Variants in TPO observed in about 807,000 individuals in gnomAD.
TPO encodes the protein thyroid peroxidase.
In TPO, 78 loss-of-function variants were observed where a neutral mutation model predicts 96.9. The ratio of observed to expected loss-of-function variants is 0.81; its 90% CI spans 0.67 to 0.97. TPO has a LOEUF of 0.97. Among genes scored for constraint, TPO ranks in the 50% least tolerant of loss-of-function variants. The probability of loss-of-function intolerance (pLI) is 0.00; values close to 1 mark genes in which losing one functional copy is unlikely to be tolerated. For missense variants in TPO, 1,252 were observed against 1,274.8 expected (o/e 0.98, Z 0.27); for synonymous variants, 547 against 538.0 (o/e 1.02, Z -0.23).
intron 7 of TPO, among the ~76,000 whole-genome samples, chr2:1,467,284 T>C (rs1668991368): frequency 6.6e-6 from 1 of 152,038 alleles, no homozygotes; most frequent in Non-Finnish European, 1.5e-5. Context: ...TTTGTATTTT[T>C]AGTAGAGATT....
At chr2:1,424,860 TCC>T (rs1468284899) in intron 3 of TPO, among the ~76,000 whole-genome samples, 25,389 of 143,482 alleles carry the variant, frequency 0.18, 1,367 homozygotes, top group Non-Finnish European at 0.2. Flanking sequence ...TCATTTCATA[TCC>T]TCAGAAGTCT....
At chr2:1,470,788 T>A (rs1349672221) in intron 7 of TPO, among the ~76,000 whole-genome samples, 1 of 152,180 alleles carries the variant, frequency 6.6e-6, no homozygotes, top group East Asian at 1.9e-4. Flanking sequence ...TTGAAAATCT[T>A]ATTTGTAATT....
intron 8 of TPO, 83 bp from the exon 9 acceptor site, chr2:1,484,512 GA>G (rs1670939027): frequency 6.3e-7 from 1 of 1,582,744 alleles, no homozygotes; most frequent in Non-Finnish European, 8.7e-7. Flanking sequence ...GGCTGTCAAG[GA>G]AGATGCTCTT....
chr2:1,398,973 C>T lies in TPO; in HGVS notation n.180+24571C>T, dbSNP rs150674895. Reference sequence around the variant, plus strand: ...GGCTGGGCTCTCCCTGCAGCCAGGCCCTCACCTCCTCTGCAAGCCACGCTC... The same window carrying T: ...GGCTGGGCTCTCCCTGCAGCCAGGCTCTCACCTCCTCTGCAAGCCACGCTC... On this transcript the variant is annotated intron_variant and non_coding_transcript_variant, in intron 1 of 5. Coordinates refer to the TPO transcript ENST00000497517. Among the ~76,000 whole-genome samples the T allele has an allele frequency of 5.6e-3, 858 of 152,336 alleles. 10 individuals are homozygous for T. The highest frequency in any genetic ancestry group is 0.016 in the South Asian group (75 of 4,822).
At chr2:1,487,563 T>A (rs968209413) in intron 9 of TPO, among the ~76,000 whole-genome samples, 9 of 152,114 alleles carry the variant, frequency 5.9e-5, no homozygotes, top group Non-Finnish European at 1.0e-4. Flanking sequence ...TGAAACCCCA[T>A]CTCTACTAAA....
intron 14 of TPO, among the ~76,000 whole-genome samples, chr2:1,506,234 T>C (rs1673448567): frequency 1.3e-5 from 2 of 151,930 alleles, no homozygotes; most frequent in South Asian, 4.2e-4. Flanking sequence ...TATGGCTGCA[T>C]AGTATTCTAT....
At chr2:1,436,733 A>G (rs989121203) in intron 5 of TPO, among the ~76,000 whole-genome samples, 6 of 152,060 alleles carry the variant, frequency 3.9e-5, no homozygotes, top group Admixed American at 2.0e-4. Context: ...ATTGTTTCCA[A>G]TGCACCCCCA....
intron 10 of TPO, among the ~76,000 whole-genome samples, chr2:1,489,134 T>A (rs1671457282): frequency 7.1e-6 from 1 of 140,440 alleles, no homozygotes; most frequent in African/African-American, 2.7e-5. Context: ...TGCCCACACA[T>A]GACCAGCACA....
chr2:1,379,261 C>T (rs996641081), intron 1 of TPO, among the ~76,000 whole-genome samples: 4 of 151,766 alleles, frequency 2.6e-5, no homozygotes, highest in South Asian at 2.1e-4. Flanking sequence ...GCCGAGGTCG[C>T]GCCACTGCAC....
chr2:1,426,353 C>T (rs75756550), intron 3 of TPO, among the ~76,000 whole-genome samples: 2,532 of 145,774 alleles, frequency 0.017, 100 homozygotes, highest in East Asian at 0.14. Context: ...CTCAGAAGTC[C>T]GTGCTCCTTC....
chr2:1,521,735 G>A (rs1199492955), intron 15 of TPO, among the ~76,000 whole-genome samples: 7 of 152,058 alleles, frequency 4.6e-5, no homozygotes, highest in East Asian at 1.9e-4. Flanking sequence ...TTCAGAGTCA[G>A]TACGGCGTCT....
chr2:1,459,629 C>T (rs985713937), intron 7 of TPO, among the ~76,000 whole-genome samples: 4 of 152,300 alleles, frequency 2.6e-5, no homozygotes, highest in South Asian at 2.1e-4. Flanking sequence ...CATAAACCAG[C>T]AGTTACAAAA....
At position 1,423,083 on chromosome 2, in the gene TPO, G is replaced by A. The variant is rs1558265699; in HGVS notation, c.133G>A (p.Glu45Lys). 3 of 1,614,174 alleles carry A rather than the reference G, an allele frequency of 1.9e-6. No homozygotes were observed. The highest frequency in any genetic ancestry group is 1.7e-6 in the Non-Finnish European group (2 of 1,180,046). ...GTCTCGTGTCTCTAGCGTCTTGGAG[G>A]AAAGCAAGCGCCTGGTGGACACCGC... is the stretch of plus-strand genomic sequence containing the variant. ...EESRVSSVLE[E>K]SKRLVDTAMY... Residue 45 changes from glutamate to lysine, a missense_variant, in exon 3 of 17, where the codon GAA becomes AAA. Coordinates refer to ENST00000329066, the MANE Select transcript of TPO (RefSeq NM_001206744.2).
intron 15 of TPO, among the ~76,000 whole-genome samples, chr2:1,528,359 A>G (rs902849614): frequency 1.4e-4 from 4 of 29,296 alleles, no homozygotes; most frequent in Non-Finnish European, 2.0e-4. Context: ...AAGTCCCCCC[A>G]TTGTGAGCAA....
chr2:1,409,618 A>G (rs1159826463), upstream of TPO, among the ~76,000 whole-genome samples: 2 of 152,034 alleles, frequency 1.3e-5, no homozygotes, highest in Non-Finnish European at 2.9e-5. Flanking sequence ...TACATCTCAG[A>G]GCTCACCCTG....
At position 1,503,900 on chromosome 2, in the gene TPO, G is replaced by A. The variant is rs191583790; in HGVS notation, c.2387-48G>A. On this transcript the variant is annotated intron_variant, in intron 13 of 16. Transcript: ENST00000329066. ...GAACGGGGGTCGCTCGCGGGAGATG[G>A]GGGTGCAGCCGCTTCCTCTCACGTG... The A allele has an allele frequency of 6.1e-3, 9,824 of 1,613,962 alleles. 45 individuals are homozygous for A. The highest frequency in any genetic ancestry group is 9.0e-3 in the South Asian group (819 of 91,078).
At position 1,438,216 on chromosome 2, in the gene TPO, G is replaced by A. The variant is rs546911885; in HGVS notation, c.482+1832G>A. Among the ~76,000 whole-genome samples, 8 of 152,120 alleles carry A rather than the reference G, an allele frequency of 5.3e-5. No homozygotes were observed. The East Asian group carries it at 1.4e-3, about 26-fold the overall frequency. ...ACAGTGGCGTTGGAGATGTGGGGGC[G>A]GGGCTGCTCTCTGAATGGGTTTCAT... On this transcript the variant is annotated intron_variant, in intron 5 of 16. Transcript: ENST00000329066.
intron 15 of TPO, among the ~76,000 whole-genome samples, chr2:1,529,520 C>G (rs1395364747): frequency 7.5e-6 from 1 of 133,926 alleles, no homozygotes; most frequent in Non-Finnish European, 1.6e-5. Context: ...GCAACCTCCC[C>G]AAATCCCCCC....
intron 13 of TPO, among the ~76,000 whole-genome samples, chr2:1,500,985 A>T (rs1332516329): frequency 6.6e-6 from 1 of 151,848 alleles, no homozygotes; most frequent in African/African-American, 2.4e-5. Flanking sequence ...AAAAAAAAAA[A>T]AAACTGGCAA....
Sources: allele counts gnomAD v4.1 joint callset (sites outside exome capture counted in the v4.1 genomes callset), GRCh38; gene constraint gnomAD v4.1.1; transcripts MANE v1.5; gene names NCBI Gene and HGNC (gene_info 2026-07-23, HGNC 2026-07-21).